The following RAD21L1 variants were observed in gnomAD, a reference collection of about 807,000 sequenced individuals.
RAD21L1 encodes double-strand-break repair protein rad21-like protein 1.
Under a neutral mutation model 69.0 loss-of-function variants are expected in RAD21L1, and 47 were observed. The ratio of observed to expected loss-of-function variants is 0.68; its 90% confidence interval spans 0.54 to 0.87. RAD21L1 has a LOEUF of 0.87. RAD21L1 is among the 40% of genes least tolerant of loss of function. The pLI is 0.00. For missense variants in RAD21L1, 583 were observed against 647.6 expected, an observed-to-expected ratio of 0.90 and a Z score of 1.08; for synonymous variants, 177 against 205.8, an observed-to-expected ratio of 0.86 and a Z score of 1.20.
intron 3 of RAD21L1, 121 bp downstream of exon 3, chr20:1,230,130 TAA>T (rs2087360597): frequency 1.5e-6 from 1 of 670,902 alleles, no homozygotes; most frequent in Non-Finnish European, 2.3e-6. Context: ...TGAATGAATC[TAA>T]GTTTCCATGG....
At chr20:1,237,096 A>G (rs1193086501) in intron 5 of RAD21L1, among the ~76,000 whole-genome samples, 1 of 152,242 alleles carries the variant, frequency 6.6e-6, no homozygotes, top group Non-Finnish European at 1.5e-5. Flanking sequence ...ATTTAGGTCT[A>G]TAGAAGAATT....
At chr20:1,227,818 T>C (rs1343281466) in intron 1 of RAD21L1, among the ~76,000 whole-genome samples, 5 of 152,200 alleles carry the variant, frequency 3.3e-5, no homozygotes, top group South Asian at 2.1e-4. Context: ...TTTCTTATAG[T>C]TTCTTGTTTT....
chr20:1,240,291 T>A (rs2087579979), intron 7 of RAD21L1, 30 bp from the exon 8 acceptor site: 1 of 1,515,516 alleles, frequency 6.6e-7, no homozygotes, highest in East Asian at 2.5e-5. Flanking sequence ...TGGTTTTTTT[T>A]ACAATTACTT....
At chr20:1,242,545 A>T in intron 8 of RAD21L1, 74 bp from the exon 9 acceptor site, 1 of 1,161,324 alleles carries the variant, frequency 8.6e-7, no homozygotes, top group Non-Finnish European at 1.3e-6. Flanking sequence ...GAAATTTCTT[A>T]AGTATTTAGT....
chr20:1,245,019 T>C (rs1413331842), intron 11 of RAD21L1, among the ~76,000 whole-genome samples: 1 of 152,218 alleles, frequency 6.6e-6, no homozygotes, highest in East Asian at 1.9e-4. Context: ...TGTTAAAGTG[T>C]ACCTACCGAA....
rs2087634849 is a variant in RAD21L1, at chr20:1,242,687, A to G, written c.925A>G (p.Lys309Glu). 1 of 1,551,668 alleles carries G rather than the reference A, an allele frequency of 6.4e-7. No individual in the cohort carries two copies. ...LIDPIKELSS[K>E]VIHKQLTSFA... Reference sequence around the variant, plus strand: ...AGATCCTATCAAGGAGCTCAGTAGCAAAGTTATACATAAACAGCTTACTTC... The same window carrying G: ...AGATCCTATCAAGGAGCTCAGTAGCGAAGTTATACATAAACAGCTTACTTC... The change falls in exon 9 of 14, where the codon AAA (lysine) becomes GAA (glutamate). Residue 309 changes from lysine (K) to glutamate (E), a missense_variant. By Grantham distance (56) the Lys-to-Glu change is moderately conservative. Coordinates refer to ENST00000683101, the MANE Select transcript of RAD21L1 (RefSeq NM_001384355.1).
At chr20:1,241,614 G>T (rs951305308) in intron 8 of RAD21L1, among the ~76,000 whole-genome samples, 1 of 152,104 alleles carries the variant, frequency 6.6e-6, no homozygotes, top group Non-Finnish European at 1.5e-5. Context: ...TCCAAAGTTT[G>T]GGGGAGGGGT....
rs1446609329 is a variant in RAD21L1, at chr20:1,254,597, A to C, written c.*140A>C. The C allele has an allele frequency of 4.3e-6, 2 of 460,378 alleles. No homozygotes were observed. The highest frequency in any genetic ancestry group is 7.5e-6 in the Non-Finnish European group (2 of 267,434). 28.5% of individuals were successfully genotyped at this position (460,378 alleles called of 1,614,324 possible). A position where few individuals can be genotyped will look rare whatever the true frequency, so the allele number is the denominator to read the frequency against. On this transcript the variant is annotated 3_prime_UTR_variant, in exon 14 of 14. Coordinates refer to ENST00000683101, the MANE Select transcript of RAD21L1 (RefSeq NM_001384355.1). ...CTGACCTACTTCCTCTCTGTAGTTC[A>C]GAATAATCATAGCTAGAATTGGAAA...
At chr20:1,232,308 T>C (rs1378715413) in intron 4 of RAD21L1, among the ~76,000 whole-genome samples, 1 of 152,222 alleles carries the variant, frequency 6.6e-6, no homozygotes, top group African/African-American at 2.4e-5. Context: ...ACTTTTATTT[T>C]ACTCAGGGAA....
intron 13 of RAD21L1, 77 bp downstream of exon 13, chr20:1,248,780 A>C (rs2087768819): frequency 1.2e-6 from 1 of 805,380 alleles, no homozygotes; most frequent in Non-Finnish European, 1.9e-6. Flanking sequence ...TCCATATATT[A>C]ATGAAAACGC....
chr20:1,243,881 G>A (rs1250015129), intron 10 of RAD21L1, among the ~76,000 whole-genome samples, 165 bp from the exon 11 acceptor site: 4 of 152,150 alleles, frequency 2.6e-5, no homozygotes, highest in Admixed American at 1.3e-4. Flanking sequence ...AGAAAGGGAA[G>A]ATACATATGT....
chr20:1,235,062 G>A (rs1202327889), intron 5 of RAD21L1, among the ~76,000 whole-genome samples: 18 of 152,086 alleles, frequency 1.2e-4, no homozygotes, highest in Admixed American at 1.2e-3. Flanking sequence ...TAAAATGGAA[G>A]CAATATGGTG....
rs201074045 is a variant in RAD21L1, at chr20:1,231,319, A to C, written c.275-207A>C. ...ATTAAATGCACTGGAGAAGTCACTA[A>C]ATCATTTTAAGGCATCTAATCTGAT... On this transcript the variant is annotated intron_variant, in intron 3 of 13. Transcript: ENST00000683101. Among the ~76,000 whole-genome samples, 24 of 152,160 alleles carry C rather than the reference A, an allele frequency of 1.6e-4. No homozygotes were observed. In the East Asian group the frequency reaches 4.4e-3, roughly 28 times the overall value.
At position 1,240,304 on chromosome 20, in the gene RAD21L1, A is replaced by G. The variant is rs966150900; in HGVS notation, c.743-17A>G. On this transcript the variant is annotated splice_polypyrimidine_tract_variant and intron_variant, in intron 7 of 13. Coordinates refer to ENST00000683101, the MANE Select transcript of RAD21L1 (RefSeq NM_001384355.1). Reference sequence around the variant, plus strand: ...ACTGGTTTTTTTTACAATTACTTTTATGTGGATGTTGATTAGTTGAACCAG... The same window carrying G: ...ACTGGTTTTTTTTACAATTACTTTTGTGTGGATGTTGATTAGTTGAACCAG... The G allele has an allele frequency of 1.3e-6, 2 of 1,522,886 alleles. No homozygotes were observed. The highest frequency in any genetic ancestry group is 8.8e-7 in the Non-Finnish European group (1 of 1,137,230). The allele number at this position is 1,522,886 out of a possible 1,614,324, so 94.3% of individuals were successfully genotyped here. A position where few individuals can be genotyped will look rare whatever the true frequency, so the allele number is the denominator to read the frequency against.
At chr20:1,228,662 A>C in intron 2 of RAD21L1, 65 bp downstream of exon 2, 1 of 1,093,646 alleles carries the variant, frequency 9.1e-7, no homozygotes, top group African/African-American at 1.6e-5. Context: ...AGACATTAAG[A>C]TACACTTATA....
rs116887559 is a variant in RAD21L1, at chr20:1,250,875, G to A, written c.1479+2172G>A. ...TCAGTTCCATTTTTTTTCCTTAAAG[G>A]TATCTCTCTGGGAGCTCACCATCCT... is the stretch of plus-strand genomic sequence containing the variant. On this transcript the variant is annotated intron_variant, in intron 13 of 13. Coordinates refer to ENST00000683101, the MANE Select transcript of RAD21L1 (RefSeq NM_001384355.1). Among the ~76,000 whole-genome samples the A allele has an allele frequency of 3.9e-3, 594 of 151,830 alleles. 2 individuals are homozygous for A. Among genetic ancestry groups the A allele is most frequent in the South Asian group, 0.021 (101 of 4,812 alleles).
chr20:1,236,605 G>T (rs1416372870), intron 5 of RAD21L1, among the ~76,000 whole-genome samples: 1 of 152,156 alleles, frequency 6.6e-6, no homozygotes, highest in Non-Finnish European at 1.5e-5. Flanking sequence ...TTGATTTCCT[G>T]TGTGACACTG....
At chr20:1,252,424 A>G (rs2087852636) in intron 13 of RAD21L1, among the ~76,000 whole-genome samples, 1 of 152,120 alleles carries the variant, frequency 6.6e-6, no homozygotes, top group African/African-American at 2.4e-5. Flanking sequence ...TTCCAGAATA[A>G]TCTTTAAGTC....
At chr20:1,232,969 T>G (rs940571302) in intron 4 of RAD21L1, among the ~76,000 whole-genome samples, 1 of 152,170 alleles carries the variant, frequency 6.6e-6, no homozygotes, top group Admixed American at 6.5e-5. Context: ...AGGAGTTTTC[T>G]TGTCCCTTCC....
Sources: allele counts gnomAD v4.1 joint callset (sites outside exome capture counted in the v4.1 genomes callset), GRCh38; gene constraint gnomAD v4.1.1; transcripts MANE v1.5; gene names NCBI Gene and HGNC (gene_info 2026-07-23, HGNC 2026-07-21).